Variants in VTCN1 observed in about 807,000 individuals in gnomAD.
VTCN1 encodes V-set domain containing T cell activation inhibitor 1, also known as V-set domain-containing T-cell activation inhibitor 1.
A neutral mutation model predicts 26.5 loss-of-function variants in VTCN1; 26 were observed. The observed-to-expected ratio is 0.98, with a 90% CI of 0.72 to 1.36. The LOEUF (loss-of-function observed/expected upper bound fraction) is 1.36, where lower values mean the gene tolerates loss of function less well. Among genes scored for constraint, VTCN1 ranks in the 40% most tolerant of loss-of-function variants. The pLI, the probability that VTCN1 is intolerant of heterozygous loss-of-function variation, is 0.00. For synonymous variants in VTCN1, 116 were observed against 130.7 expected, an observed-to-expected ratio of 0.89 and a Z score of 0.77; for missense variants, 298 against 337.7, an observed-to-expected ratio of 0.88 and a Z score of 0.92.
rs779588809 is a variant in VTCN1, at chr1:117,169,120, T to C, written c.97+987A>G. Reference sequence around the variant, plus strand: ...AATGAATGTGTTGGACTGAGTCAGGTGGTTTATGAAAAAAAGAGCAGACAA... The same window carrying C: ...AATGAATGTGTTGGACTGAGTCAGGCGGTTTATGAAAAAAAGAGCAGACAA... On this transcript the variant is annotated intron_variant, in intron 2 of 5. Coordinates refer to ENST00000369458, the MANE Select transcript of VTCN1 (RefSeq NM_024626.4). This position sits in a 1 kb window ranked among gnomAD's most constrained non-coding sequence, Gnocchi z 4.0. Among the ~76,000 whole-genome samples the C allele has an allele frequency of 6.6e-6, 1 of 152,040 alleles. No individual in the cohort carries two copies. Among genetic ancestry groups the C allele is most frequent in the Non-Finnish European group, 1.5e-5 (1 of 67,998 alleles).
At chr1:117,158,231 C>T (rs773329001) in intron 2 of VTCN1, among the ~76,000 whole-genome samples, 3 of 152,152 alleles carry the variant, frequency 2.0e-5, no homozygotes, top group South Asian at 2.1e-4. Flanking sequence ...GTTGGGGCTC[C>T]GACTCCATAT....
chr1:117,176,849 A>C (rs539972573), intron 1 of VTCN1, among the ~76,000 whole-genome samples: 2 of 152,126 alleles, frequency 1.3e-5, no homozygotes, highest in South Asian at 4.1e-4. Flanking sequence ...TTGTAATCCC[A>C]GCACTTTGGG....
At position 117,146,541 on chromosome 1, in the gene VTCN1, A is replaced by G. The variant is rs1651518233; in HGVS notation, c.*45+1072T>C. Among the ~76,000 whole-genome samples the G allele has an allele frequency of 6.6e-6, 1 of 152,212 alleles. No homozygotes were observed. Among genetic ancestry groups the G allele is most frequent in the Non-Finnish European group, 1.5e-5 (1 of 68,042 alleles). ...AAGACTCTTGGGGAGGTGGGATATA[A>G]GCTAGGAAGCATTTTCCTAAAATGG... On this transcript the variant is annotated intron_variant, in intron 5 of 5. Coordinates refer to ENST00000369458, the MANE Select transcript of VTCN1 (RefSeq NM_024626.4). This position sits in a 1 kb window ranked among gnomAD's most constrained non-coding sequence, Gnocchi z 4.2.
At chr1:117,181,685 C>T (rs1647678586) in intron 1 of VTCN1, among the ~76,000 whole-genome samples, 1 of 152,100 alleles carries the variant, frequency 6.6e-6, no homozygotes, top group Non-Finnish European at 1.5e-5. Flanking sequence ...TGTGTGAAGA[C>T]AAGAGGAGGA....
intron 1 of VTCN1, among the ~76,000 whole-genome samples, chr1:117,206,427 G>A (rs544557375): frequency 2.0e-5 from 3 of 152,262 alleles, no homozygotes; most frequent in South Asian, 2.1e-4. Context: ...GATGTGCCAG[G>A]AACATAATTA....
chr1:117,207,974 G>T (rs1649147552), intron 1 of VTCN1, among the ~76,000 whole-genome samples: 1 of 152,088 alleles, frequency 6.6e-6, no homozygotes, highest in Non-Finnish European at 1.5e-5. Flanking sequence ...CTCCAGGCTT[G>T]CTGCCCACCT....
At chr1:117,200,979 G>A (rs1220257923) in intron 1 of VTCN1, among the ~76,000 whole-genome samples, 2 of 152,200 alleles carry the variant, frequency 1.3e-5, no homozygotes, top group African/African-American at 4.8e-5. Context: ...CAAGGTTTCT[G>A]CATGTTGCCT....
chr1:117,203,661 A>T (rs1277572431), intron 1 of VTCN1: 1 of 985,440 alleles, frequency 1.0e-6, no homozygotes, highest in Non-Finnish European at 1.2e-6. Flanking sequence ...ATCAAGACCC[A>T]TCTGTGGCTC....
Position 117,171,998 on chromosome 1 carries a change from T to C in VTCN1, c.33-1827A>G, listed in dbSNP as rs114230190. 2.4e-3 allele frequency among the ~76,000 whole-genome samples: 366 copies of C among 152,104 alleles called. 1 individual carries two copies. The highest frequency in any genetic ancestry group is 8.4e-3 in the African/African-American group (348 of 41,478). ...ACTCAGGCAGAGCAGAAGGCATAGG[T>C]CAAAGTGGTTCCTGGGAAGCTCGCC... On this transcript the variant is annotated intron_variant, in intron 1 of 5. Coordinates refer to ENST00000369458, the MANE Select transcript of VTCN1 (RefSeq NM_024626.4).
chr1:117,157,846 TC>T (rs774670600), intron 2 of VTCN1, among the ~76,000 whole-genome samples: 1 of 152,200 alleles, frequency 6.6e-6, no homozygotes, highest in Non-Finnish European at 1.5e-5. Flanking sequence ...GCTAGTTACT[TC>T]CTAGATACAA....
chr1:117,170,090 T>C lies in VTCN1; in HGVS notation c.97+17A>G. 5.0e-6 allele frequency: 8 copies of C among 1,609,778 alleles called. No individual in the cohort carries two copies. The highest frequency in any genetic ancestry group is 6.0e-6 in the Non-Finnish European group (7 of 1,176,222). On this transcript the variant is annotated intron_variant, in intron 2 of 5. Coordinates refer to ENST00000369458, the MANE Select transcript of VTCN1 (RefSeq NM_024626.4). ...GTGAGGGGTGAATAGATTGTAGTAA[T>C]GCAAGAAATCACATACCTGAAATAC...
chr1:117,170,002 T>G, intron 2 of VTCN1, 105 bp downstream of exon 2: 1 of 1,093,226 alleles, frequency 9.1e-7, no homozygotes, highest in Non-Finnish European at 1.4e-6. Flanking sequence ...TACTCTGAGG[T>G]TTTCTGGGTC....
intron 1 of VTCN1, among the ~76,000 whole-genome samples, chr1:117,201,506 C>G (rs1045580825): frequency 1.3e-5 from 2 of 152,202 alleles, no homozygotes; most frequent in African/African-American, 4.8e-5. Flanking sequence ...ATCCCACTCC[C>G]AAATGCAGCC....
chr1:117,187,309 C>A (rs370579944), intron 1 of VTCN1, among the ~76,000 whole-genome samples: 176 of 73,122 alleles, frequency 2.4e-3, no homozygotes, highest in South Asian at 3.2e-3. Flanking sequence ...GACCTTGTCT[C>A]AAAAAAAAAA....
In VTCN1 at chr1:117,147,855, A is replaced by G; in HGVS notation, c.725-73T>C. The G allele has an allele frequency of 6.5e-7, 1 of 1,543,786 alleles. No individual in the cohort carries two copies. The highest frequency in any genetic ancestry group is 8.7e-7 in the Non-Finnish European group (1 of 1,149,780). On this transcript the variant is annotated intron_variant, in intron 4 of 5. Transcript: ENST00000369458. The surrounding 1 kb of genome is among the most constrained non-coding windows in gnomAD (Gnocchi z 4.6). ...GTCTTCTTCACATGACTGGTTAGCAAAGAAAAGTACCTGAAAAACAGAACA... is the reference window on the plus strand; with the variant it reads ...GTCTTCTTCACATGACTGGTTAGCAGAGAAAAGTACCTGAAAAACAGAACA...
At chr1:117,206,448 T>G (rs1181655600) in intron 1 of VTCN1, among the ~76,000 whole-genome samples, 1 of 152,182 alleles carries the variant, frequency 6.6e-6, no homozygotes, top group Non-Finnish European at 1.5e-5. Flanking sequence ...TTACATATCA[T>G]TCATACAGCC....
chr1:117,204,321 T>A (rs987234515), intron 1 of VTCN1, among the ~76,000 whole-genome samples: 3 of 152,220 alleles, frequency 2.0e-5, no homozygotes, highest in Non-Finnish European at 1.5e-5. Context: ...ACTGATAAGG[T>A]AATGAAGACA....
At chr1:117,199,688 T>A (rs1648696800) in intron 1 of VTCN1, among the ~76,000 whole-genome samples, 1 of 150,052 alleles carries the variant, frequency 6.7e-6, no homozygotes, top group Non-Finnish European at 1.5e-5. Context: ...CAGGCTGAAG[T>A]ACAGTGGTGC....
intron 4 of VTCN1, among the ~76,000 whole-genome samples, chr1:117,151,200 C>CTA (rs1651772093): frequency 7.4e-6 from 1 of 135,842 alleles, no homozygotes; most frequent in African/African-American, 2.7e-5. Flanking sequence ...TGTTACAGTT[C>CTA]TTTTTTTTTT....
Sources: allele counts gnomAD v4.1 joint callset (sites outside exome capture counted in the v4.1 genomes callset), GRCh38; gene constraint gnomAD v4.1.1; non-coding constraint Gnocchi (gnomAD v3.1); transcripts MANE v1.5; gene names NCBI Gene and HGNC (gene_info 2026-07-23, HGNC 2026-07-21).